TBC1D5: variants seen among roughly 807,000 people sequenced by gnomAD.
The protein encoded by TBC1D5 is TBC1 domain family, member 5.
Under a neutral mutation model 100.3 loss-of-function variants are expected in TBC1D5, and 75 were observed. That is an observed-to-expected ratio of 0.75 (90% CI 0.62 to 0.91). The LOEUF (loss-of-function observed/expected upper bound fraction) is 0.91, where lower values mean the gene tolerates loss of function less well. Ranked by LOEUF, TBC1D5 falls within the 40% of genes least tolerant of loss-of-function variation. The pLI is 0.00. For synonymous variants in TBC1D5, 323 were observed against 325.6 expected, an observed-to-expected ratio of 0.99 and a Z score of 0.09; for missense variants, 910 against 942.4, an observed-to-expected ratio of 0.97 and a Z score of 0.45.
intron 3 of TBC1D5, among the ~76,000 whole-genome samples, chr3:17,467,700 C>T (rs1016446018): frequency 3.3e-5 from 5 of 151,838 alleles, no homozygotes; most frequent in African/African-American, 1.2e-4. Flanking sequence ...CATGGCAAAA[C>T]CCCATCTCTA....
intron 15 of TBC1D5, among the ~76,000 whole-genome samples, chr3:17,269,741 G>C (rs1256412276): frequency 6.6e-6 from 1 of 151,082 alleles, no homozygotes; most frequent in Non-Finnish European, 1.5e-5. Flanking sequence ...GTGAGAACAT[G>C]TGATAATTTG....
At chr3:17,178,418 T>G (rs1248740368) in intron 19 of TBC1D5, among the ~76,000 whole-genome samples, 2 of 152,178 alleles carry the variant, frequency 1.3e-5, no homozygotes, top group Non-Finnish European at 2.9e-5. Flanking sequence ...CATCTGTTGA[T>G]GGACACTTAG....
chr3:17,547,271 T>C (rs2096426777), intron 2 of TBC1D5, among the ~76,000 whole-genome samples: 1 of 151,206 alleles, frequency 6.6e-6, no homozygotes, highest in Admixed American at 6.5e-5. Context: ...TTAATAAGGT[T>C]ACGATGAAAA....
At chr3:17,238,683 A>G (rs2076073125) in intron 16 of TBC1D5, among the ~76,000 whole-genome samples, 1 of 152,226 alleles carries the variant, frequency 6.6e-6, no homozygotes, top group South Asian at 2.1e-4. Context: ...TTATGAGGAC[A>G]TAACTGCCCC....
intron 3 of TBC1D5, among the ~76,000 whole-genome samples, chr3:17,484,076 T>A (rs997132178): frequency 2.6e-5 from 4 of 152,138 alleles, no homozygotes; most frequent in Non-Finnish European, 5.9e-5. Context: ...CACTGGATAT[T>A]AAGTATCAAA....
At chr3:17,616,372 G>C (rs1430145908) in intron 2 of TBC1D5, among the ~76,000 whole-genome samples, 1 of 151,766 alleles carries the variant, frequency 6.6e-6, no homozygotes. Flanking sequence ...CTGTTGAGTT[G>C]GGGTGGAGAC....
At chr3:17,641,493 G>A (rs891880565) in intron 1 of TBC1D5, among the ~76,000 whole-genome samples, 3 of 152,032 alleles carry the variant, frequency 2.0e-5, no homozygotes, top group African/African-American at 7.2e-5. Context: ...TAAGGTATTG[G>A]GAGGATTAAA....
intron 18 of TBC1D5, among the ~76,000 whole-genome samples, chr3:17,198,124 T>C (rs1199434826): frequency 6.6e-6 from 1 of 152,186 alleles, no homozygotes; most frequent in African/African-American, 2.4e-5. Context: ...TCCAGAAAGG[T>C]AATTGCAGAA....
chr3:17,255,524 G>A (rs1485781144), intron 16 of TBC1D5, among the ~76,000 whole-genome samples: 2 of 151,994 alleles, frequency 1.3e-5, no homozygotes, highest in African/African-American at 4.8e-5. Context: ...TTACTGAACT[G>A]CCTAAATTCT....
At chr3:17,348,128 C>A (rs2090136777) in intron 13 of TBC1D5, among the ~76,000 whole-genome samples, 1 of 152,114 alleles carries the variant, frequency 6.6e-6, no homozygotes, top group Non-Finnish European at 1.5e-5. Flanking sequence ...TTTAATAGTT[C>A]CATAATTAAT....
intron 13 of TBC1D5, among the ~76,000 whole-genome samples, chr3:17,315,156 C>A (rs928503514): frequency 5.3e-5 from 8 of 152,258 alleles, no homozygotes; most frequent in Non-Finnish European, 7.3e-5. Flanking sequence ...TATCTTCAAA[C>A]TGGCTCACTC....
At chr3:17,158,765 C>A (rs745498336) in exon 22 of TBC1D5, 1 of 152,248 alleles carries the variant, frequency 6.6e-6, no homozygotes, top group Non-Finnish European at 1.5e-5. Context: ...GTGACTCTTG[C>A]AGGGCGAGTG....
intron 17 of TBC1D5, among the ~76,000 whole-genome samples, chr3:17,215,713 C>T (rs906130507): frequency 2.0e-5 from 3 of 151,984 alleles, no homozygotes; most frequent in African/African-American, 4.8e-5. Context: ...CCCTTGGAAA[C>T]GTTACAATTT....
At chr3:17,519,868 G>C (rs2096043523) in intron 2 of TBC1D5, among the ~76,000 whole-genome samples, 1 of 152,012 alleles carries the variant, frequency 6.6e-6, no homozygotes, top group Admixed American at 6.5e-5. Context: ...CCATAAATAA[G>C]ACCTAAAACA....
At chr3:17,571,263 G>C (rs1204404052) in intron 2 of TBC1D5, among the ~76,000 whole-genome samples, 1 of 151,886 alleles carries the variant, frequency 6.6e-6, no homozygotes, top group Non-Finnish European at 1.5e-5. Flanking sequence ...CAATACCTTT[G>C]TACTTTGTCA....
intron 18 of TBC1D5, among the ~76,000 whole-genome samples, chr3:17,207,388 T>C (rs2072349174): frequency 6.6e-6 from 1 of 152,202 alleles, no homozygotes; most frequent in Non-Finnish European, 1.5e-5. Flanking sequence ...TGTTTTACTT[T>C]CTCTTCAAGA....
At chr3:17,424,212 G>A (rs9813532) in intron 4 of TBC1D5, among the ~76,000 whole-genome samples, 75,177 of 151,962 alleles carry the variant, frequency 0.49, 20,132 homozygotes, top group African/African-American at 0.68. Flanking sequence ...ATACCATCTA[G>A]TAAGATAATT....
At chr3:17,345,934 G>C (rs555239053) in intron 13 of TBC1D5, among the ~76,000 whole-genome samples, 48 of 151,930 alleles carry the variant, frequency 3.2e-4, no homozygotes, top group African/African-American at 1.1e-3. Flanking sequence ...TGGGGAGAGG[G>C]GGGAGGGATA....
chr3:17,401,332 CATATATGTATAATATACATATAT>C (rs1359562274), intron 8 of TBC1D5, among the ~76,000 whole-genome samples: 1 of 12,976 alleles, frequency 7.7e-5, no homozygotes, highest in East Asian at 2.7e-3. Flanking sequence ...GTATAATATA[CATATATGTATAATATACATATAT>C]ATGTATGTGT....
Sources: allele counts gnomAD v4.1 joint callset (sites outside exome capture counted in the v4.1 genomes callset), GRCh38; gene constraint gnomAD v4.1.1; transcripts MANE v1.5; gene names NCBI Gene and HGNC (gene_info 2026-07-23, HGNC 2026-07-21).